SKA3: variants seen among roughly 807,000 people sequenced by gnomAD.
The protein encoded by SKA3 is spindle and kinetochore-associated protein 3.
A neutral mutation model predicts 44.2 loss-of-function variants in SKA3; 39 were observed. The observed-to-expected ratio is 0.88, with a 90% CI of 0.68 to 1.15. SKA3 has a LOEUF of 1.15. SKA3 is among the 50% of genes most tolerant of loss of function. SKA3 has a pLI of 0.00. For synonymous variants in SKA3, 192 were observed against 172.0 expected, an observed-to-expected ratio of 1.12 and a Z score of -0.91; for missense variants, 511 against 485.8, an observed-to-expected ratio of 1.05 and a Z score of -0.49.
chr13:21,164,012 C>T (rs1259996228), intron 4 of SKA3, among the ~76,000 whole-genome samples: 1 of 151,964 alleles, frequency 6.6e-6, no homozygotes, highest in Non-Finnish European at 1.5e-5. Flanking sequence ...GATCCACCCA[C>T]CTTGGCCTCC....
chr13:21,158,656 C>T (rs569449946), intron 6 of SKA3, among the ~76,000 whole-genome samples: 27 of 152,182 alleles, frequency 1.8e-4, no homozygotes, highest in Non-Finnish European at 3.7e-4. Context: ...CAAAAAAACG[C>T]TTAATGTCAT....
chr13:21,174,895 G>T (rs557470490), intron 1 of SKA3, among the ~76,000 whole-genome samples: 2 of 122,748 alleles, frequency 1.6e-5, no homozygotes, highest in African/African-American at 2.6e-5. Context: ...GATTTAATTT[G>T]CATTTCCTTG....
At chr13:21,157,344 C>T (rs1023476868) in intron 7 of SKA3, among the ~76,000 whole-genome samples, 1 of 152,168 alleles carries the variant, frequency 6.6e-6, no homozygotes, top group South Asian at 2.1e-4. Context: ...AGATGGTATA[C>T]CCTACCACAC....
chr13:21,163,827 G>T (rs189358132), intron 4 of SKA3, among the ~76,000 whole-genome samples: 1 of 152,094 alleles, frequency 6.6e-6, no homozygotes. Flanking sequence ...GCAGTGGCAC[G>T]ATCTCAGCTC....
chr13:21,172,955 C>T (rs751954898), intron 1 of SKA3, among the ~76,000 whole-genome samples: 22 of 152,192 alleles, frequency 1.4e-4, no homozygotes, highest in Non-Finnish European at 2.5e-4. Flanking sequence ...CTACACCATA[C>T]AGCCTAGGTA....
chr13:21,161,079 T>C (rs1292233265), intron 5 of SKA3, among the ~76,000 whole-genome samples: 2 of 152,136 alleles, frequency 1.3e-5, no homozygotes, highest in African/African-American at 2.4e-5. Flanking sequence ...TTGTCTACAG[T>C]TGTGACCAGC....
intron 4 of SKA3, among the ~76,000 whole-genome samples, chr13:21,167,622 C>T (rs528181800): frequency 2.6e-5 from 4 of 152,066 alleles, no homozygotes; most frequent in African/African-American, 7.2e-5. Context: ...AAAAAATTAG[C>T]CAGGCGTGGT....
intron 5 of SKA3, among the ~76,000 whole-genome samples, chr13:21,161,112 A>G (rs1329145071): frequency 6.6e-6 from 1 of 152,086 alleles, no homozygotes; most frequent in Non-Finnish European, 1.5e-5. Context: ...GCGAAACCCC[A>G]TCTATACAAA....
chr13:21,170,624 C>T (rs181381581), intron 3 of SKA3, among the ~76,000 whole-genome samples: 128 of 152,286 alleles, frequency 8.4e-4, no homozygotes, highest in African/African-American at 2.8e-3. Context: ...CTTTCTGTTA[C>T]TTTTGAGAAC....
At chr13:21,176,236 G>T in intron 1 of SKA3, 139 bp downstream of exon 1, 2 of 662,520 alleles carry the variant, frequency 3.0e-6, no homozygotes, top group Non-Finnish European at 4.8e-6. Context: ...GAGACGCGCA[G>T]CACCCGCCCT....
At chr13:21,175,077 A>G (rs1171192578) in intron 1 of SKA3, among the ~76,000 whole-genome samples, 2 of 151,270 alleles carry the variant, frequency 1.3e-5, no homozygotes, top group African/African-American at 4.9e-5. Context: ...CCAGGGTTCA[A>G]GCGATTCTCC....
chr13:21,171,791 A>C (rs918815918), intron 3 of SKA3, among the ~76,000 whole-genome samples: 5 of 152,228 alleles, frequency 3.3e-5, no homozygotes, highest in Admixed American at 3.3e-4. Context: ...AAAGATAATA[A>C]TACAGCTATT....
In SKA3 at chr13:21,155,134, T is replaced by G; in HGVS notation, c.*16A>C. ...CATTTTGTTCAGTTTCTGTGTTGGA[T>G]AGATCCACTGGAATTTCTGCAACAG... is the stretch of plus-strand genomic sequence containing the variant. On this transcript the variant is annotated 3_prime_UTR_variant, in exon 9 of 9. Transcript: ENST00000314759. 6.2e-7 allele frequency: 1 copy of G among 1,612,640 alleles called. No homozygotes were observed.
Position 21,154,319 on chromosome 13 carries a change from A to T in SKA3, c.*831T>A, listed in dbSNP as rs1869972152. ...TAGGCCTGATAAGCAGGTCAACCTG[A>T]AGCTACCAGGCAGCTCTGGAGGCTC... On this transcript the variant is annotated 3_prime_UTR_variant, in exon 9 of 9. Transcript: ENST00000314759. The T allele has an allele frequency of 1.3e-5, 2 of 152,372 alleles. No individual in the cohort carries two copies. Among genetic ancestry groups the T allele is most frequent in the Admixed American group, 6.5e-5 (1 of 15,288 alleles). 9.4% of individuals were successfully genotyped at this position (152,372 alleles called of 1,614,324 possible). A position where few individuals can be genotyped will look rare whatever the true frequency, so the allele number is the denominator to read the frequency against.
intron 1 of SKA3, among the ~76,000 whole-genome samples, chr13:21,174,148 A>G (rs1871261108): frequency 6.6e-6 from 1 of 152,250 alleles, no homozygotes; most frequent in South Asian, 2.1e-4. Flanking sequence ...GTAGGACTGT[A>G]AACTAGTTCA....
chr13:21,173,217 ATAG>A (rs1275056111), intron 1 of SKA3, among the ~76,000 whole-genome samples: 1 of 152,214 alleles, frequency 6.6e-6, no homozygotes, highest in Non-Finnish European at 1.5e-5. Flanking sequence ...AAGCCCTCTT[ATAG>A]TCTCTCCCTT....
At chr13:21,166,300 T>C (rs961352314) in intron 4 of SKA3, among the ~76,000 whole-genome samples, 1 of 152,304 alleles carries the variant, frequency 6.6e-6, no homozygotes, top group Admixed American at 6.5e-5. Flanking sequence ...TCAGTTTTCT[T>C]CTCTGATTAC....
chr13:21,173,503 C>T (rs911024974), intron 1 of SKA3, among the ~76,000 whole-genome samples: 2 of 152,182 alleles, frequency 1.3e-5, no homozygotes, highest in African/African-American at 2.4e-5. Context: ...GTGATCCACC[C>T]GCCTCGGCCT....
chr13:21,157,114 C>T (rs1361547485), intron 7 of SKA3, among the ~76,000 whole-genome samples: 2 of 152,082 alleles, frequency 1.3e-5, no homozygotes, highest in African/African-American at 2.4e-5. Context: ...GTAATAATTG[C>T]CAAACACTGT....
Sources: gnomAD v4.1 joint callset for allele counts (sites outside exome capture counted in the v4.1 genomes callset) on GRCh38, gnomAD v4.1.1 for gene constraint, MANE v1.5 for transcripts, NCBI Gene and HGNC (gene_info 2026-07-23, HGNC 2026-07-21) for gene names.